Variants in MSI2 observed in about 807,000 individuals in gnomAD.
The protein encoded by MSI2 is RNA-binding protein Musashi homolog 2.
In MSI2, 17 loss-of-function variants were observed where a neutral mutation model predicts 45.6. The observed-to-expected ratio is 0.37, with a 90% CI of 0.26 to 0.56. The LOEUF is 0.56. Ranked by LOEUF, MSI2 falls within the 20% of genes least tolerant of loss-of-function variation. MSI2 has a pLI of 0.77. For missense variants in MSI2, 293 were observed against 444.2 expected, an observed-to-expected ratio of 0.66 and a Z score of 3.06; for synonymous variants, 156 against 158.2, an observed-to-expected ratio of 0.99 and a Z score of 0.11.
chr17:57,336,184 C>T (rs1372982837), intron 5 of MSI2, among the ~76,000 whole-genome samples: 2 of 152,250 alleles, frequency 1.3e-5, no homozygotes, highest in African/African-American at 4.8e-5. Flanking sequence ...GGTTAGATTC[C>T]AGCTATGTCT....
the MSI2 span, among the ~76,000 whole-genome samples, chr17:57,700,902 TAA>T: frequency 2.1e-3 from 305 of 145,728 alleles, 3 homozygotes; most frequent in African/African-American, 6.3e-3. Context: ...AACTCTGTCT[TAA>T]AAAAAAAAAA....
rs71139995 is a variant in MSI2 at position 57,440,413 on chromosome 17, C to CGTGTGTGTGTGTGTGTGT, written c.405+38979_405+38996dup. On this transcript the variant is annotated intron_variant, in intron 6 of 13. Coordinates refer to ENST00000284073, the MANE Select transcript of MSI2 (RefSeq NM_138962.4). ...ACAGTCTTACCTGGGGTTTGTTATC[C>CGTGTGTGTGTGTGTGTGT]GTGTGTGTGTGTGTGTGTGTGTGTG... 3.5e-3 allele frequency among the ~76,000 whole-genome samples: 371 copies of CGTGTGTGTGTGTGTGTGT among 104,592 alleles called. 25 individuals are homozygous for CGTGTGTGTGTGTGTGTGT. The highest frequency in any genetic ancestry group is 0.011 in the East Asian group (33 of 2,906). The allele number at this position is 104,592 out of a possible 152,430, so 68.6% of individuals were successfully genotyped here. A position where few individuals can be genotyped will look rare whatever the true frequency, so the allele number is the denominator to read the frequency against.
intron 6 of MSI2, among the ~76,000 whole-genome samples, chr17:57,471,836 A>G (rs951017482): frequency 6.6e-6 from 1 of 152,174 alleles, no homozygotes; most frequent in Non-Finnish European, 1.5e-5. Flanking sequence ...GCCCCAGAGC[A>G]TCAGCTTTCT....
intron 6 of MSI2, among the ~76,000 whole-genome samples, chr17:57,507,450 T>G (rs2086262480): frequency 6.6e-6 from 1 of 152,172 alleles, no homozygotes; most frequent in African/African-American, 2.4e-5. Flanking sequence ...CTCTAGCATT[T>G]TCTTCTGAAT....
intron 5 of MSI2, among the ~76,000 whole-genome samples, chr17:57,342,085 A>G (rs1166378276): frequency 6.6e-6 from 1 of 152,178 alleles, no homozygotes; most frequent in Non-Finnish European, 1.5e-5. Context: ...AGTAGATCCT[A>G]TTGCATCTAC....
At chr17:57,633,259 C>G (rs1184749515) in intron 10 of MSI2, 87 of 860,828 alleles carry the variant, frequency 1.0e-4, no homozygotes, top group Non-Finnish European at 1.1e-4. Flanking sequence ...ACTGAATAAC[C>G]AGCACCGATG....
At chr17:57,416,220 C>T (rs1241498468) in intron 6 of MSI2, among the ~76,000 whole-genome samples, 3 of 152,260 alleles carry the variant, frequency 2.0e-5, no homozygotes, top group African/African-American at 7.2e-5. Context: ...CAGAGGAAAG[C>T]AGATATTTGT....
chr17:57,377,069 C>A (rs569158346), intron 5 of MSI2, among the ~76,000 whole-genome samples: 41 of 152,178 alleles, frequency 2.7e-4, no homozygotes, highest in African/African-American at 9.2e-4. Flanking sequence ...TACAGGCGCC[C>A]GCCACCACGC....
At chr17:57,536,742 T>A (rs1019629735) in intron 7 of MSI2, among the ~76,000 whole-genome samples, 3 of 152,200 alleles carry the variant, frequency 2.0e-5, no homozygotes, top group African/African-American at 7.2e-5. Context: ...GGACAGTCTG[T>A]CATAGACCAC....
intron 5 of MSI2, chr17:57,266,168 G>A (rs558665404): frequency 3.3e-5 from 5 of 152,278 alleles, no homozygotes; most frequent in African/African-American, 1.2e-4. Context: ...TTCAGTCACA[G>A]CGGGGTGGCC....
rs2084627164 is a variant in MSI2, at chr17:57,433,040, A to T, written c.405+31569A>T. On this transcript the variant is annotated intron_variant, in intron 6 of 13. Coordinates refer to ENST00000284073, the MANE Select transcript of MSI2 (RefSeq NM_138962.4). Reference sequence around the variant, plus strand: ...GCCACAGTGAATCTACAGTCCTCTCAACTCAGTTCACGTCCGTGGGCCCTT... The same window carrying T: ...GCCACAGTGAATCTACAGTCCTCTCTACTCAGTTCACGTCCGTGGGCCCTT... Among the ~76,000 whole-genome samples, 3 of 152,242 alleles carry T rather than the reference A, an allele frequency of 2.0e-5. No individual in the cohort carries two copies. The South Asian group carries it at 6.2e-4, about 32-fold the overall frequency.
intron 6 of MSI2, among the ~76,000 whole-genome samples, chr17:57,433,497 C>A (rs1323770244): frequency 6.6e-6 from 1 of 152,178 alleles, no homozygotes; most frequent in East Asian, 1.9e-4. Context: ...ATGGGACAGA[C>A]TCTCCCCAGA....
intron 7 of MSI2, among the ~76,000 whole-genome samples, chr17:57,558,195 C>T (rs118180111): frequency 6.6e-6 from 1 of 152,150 alleles, no homozygotes; most frequent in Admixed American, 6.5e-5. Context: ...ATGGTCTCAG[C>T]GTATTAGGCG....
chr17:57,370,373 A>G (rs996449929), intron 5 of MSI2, among the ~76,000 whole-genome samples: 1 of 152,240 alleles, frequency 6.6e-6, no homozygotes, highest in Non-Finnish European at 1.5e-5. Flanking sequence ...AATAGAAGAA[A>G]TGCCATTCTG....
At chr17:57,382,240 T>TA (rs1444130672) in intron 5 of MSI2, among the ~76,000 whole-genome samples, 9 of 152,328 alleles carry the variant, frequency 5.9e-5, no homozygotes, top group African/African-American at 2.2e-4. Context: ...CCAGAAAGCT[T>TA]ACTTTCTGGT....
At chr17:57,256,119 A>C (rs1906685444), upstream of MSI2, 1 of 152,168 alleles carries the variant, frequency 6.6e-6, no homozygotes, top group Non-Finnish European at 1.5e-5. Flanking sequence ...AGGGCGAACT[A>C]GAGAGGGTGG....
intron 6 of MSI2, among the ~76,000 whole-genome samples, chr17:57,491,605 A>G (rs2085873126): frequency 6.6e-6 from 1 of 152,212 alleles, no homozygotes; most frequent in Non-Finnish European, 1.5e-5. Flanking sequence ...GCCTGGGGTC[A>G]GATGGGGGTG....
chr17:57,482,140 G>A (rs1220210296), intron 6 of MSI2, among the ~76,000 whole-genome samples: 3 of 152,184 alleles, frequency 2.0e-5, no homozygotes, highest in South Asian at 2.1e-4. Flanking sequence ...AGATCTGCTG[G>A]AGAGAACTGA....
chr17:57,504,646 A>T (rs1306696648), intron 6 of MSI2, among the ~76,000 whole-genome samples: 1 of 152,172 alleles, frequency 6.6e-6, no homozygotes, highest in Admixed American at 6.5e-5. Context: ...TTGTAGAAAA[A>T]GTGGCTGGGC....
Sources: gnomAD v4.1 joint callset for allele counts (sites outside exome capture counted in the v4.1 genomes callset) on GRCh38, gnomAD v4.1.1 for gene constraint, MANE v1.5 for transcripts, NCBI Gene and HGNC (gene_info 2026-07-23, HGNC 2026-07-21) for gene names.